Variants in SP140 observed in about 807,000 individuals in gnomAD.
SP140 encodes the protein nuclear body protein SP140.
In SP140, 81 loss-of-function variants were observed where a neutral mutation model predicts 125.0. That is an observed-to-expected ratio of 0.65 (90% CI 0.54 to 0.78). SP140 has a LOEUF of 0.78. Ranked by LOEUF, SP140 falls within the 30% of genes least tolerant of loss-of-function variation. SP140 has a pLI of 0.00. For missense variants in SP140, 858 were observed against 1,037.0 expected, an observed-to-expected ratio of 0.83 and a Z score of 2.37; for synonymous variants, 312 against 354.0, an observed-to-expected ratio of 0.88 and a Z score of 1.33.
rs534361912 is a variant in SP140 at position 230,284,915 on chromosome 2, G to A, written c.1564+504G>A. ...CAGTTCATTCATAAAAATATATGCA[G>A]TGGTTACATTTGGTCAGTGTAATAG... On this transcript the variant is annotated intron_variant, in intron 16 of 26. Coordinates refer to ENST00000392045, the MANE Select transcript of SP140 (RefSeq NM_007237.5). Among the ~76,000 whole-genome samples, 4 of 152,174 alleles carry A rather than the reference G, an allele frequency of 2.6e-5. No individual in the cohort carries two copies. In the East Asian group the frequency reaches 7.7e-4, roughly 29 times the overall value.
upstream of SP140, chr2:230,221,712 C>T (rs1225210392): frequency 1.3e-6 from 2 of 1,535,984 alleles, no homozygotes; most frequent in Non-Finnish European, 1.7e-6. Context: ...TACCTGAAGC[C>T]CCTCCCCATC....
At chr2:230,229,302 T>C in intron 1 of SP140, among the ~76,000 whole-genome samples, 1 of 151,980 alleles carries the variant, frequency 6.6e-6, no homozygotes, top group East Asian at 1.9e-4. Context: ...ATTCTATTAA[T>C]TTGAATAAAT....
At chr2:230,205,562 C>T (rs1236064670) in intron 1 of SP140, among the ~76,000 whole-genome samples, 3 of 151,958 alleles carry the variant, frequency 2.0e-5, no homozygotes, top group African/African-American at 7.3e-5. Flanking sequence ...TGAGCTTTCC[C>T]CTTTGTTTTT....
Position 230,269,945 on chromosome 2 carries a change from G to A in SP140, c.1436G>A (p.Gly479Asp), listed in dbSNP as rs1188832380. ...EARTESDQAC[G>D]TMDTVDIANN... ...AGGACGGAAAGTGATCAAGCGTGTG[G>A]CACAATGGGTAAGGCTGTCTGAGGG... Residue 479 changes from glycine to aspartate, a missense_variant, in exon 14 of 27, where the codon GGC becomes GAC. Coordinates refer to ENST00000392045, the MANE Select transcript of SP140 (RefSeq NM_007237.5). 6.2e-7 allele frequency: 1 copy of A among 1,612,166 alleles called. No homozygotes were observed.
chr2:230,215,075 A>G (rs1385918329), intron 3 of SP140: 1 of 1,613,852 alleles, frequency 6.2e-7, no homozygotes, highest in Non-Finnish European at 8.5e-7. Context: ...GTTGTGCACC[A>G]CTCTGGATAC....
At chr2:230,221,578 A>C, upstream of SP140, 1 of 965,894 alleles carries the variant, frequency 1.0e-6, no homozygotes. Flanking sequence ...GGAAAAATTC[A>C]ATGCTAACAG....
At chr2:230,259,788 A>G (rs1328459879) in intron 12 of SP140, among the ~76,000 whole-genome samples, 1 of 111,270 alleles carries the variant, frequency 9.0e-6, no homozygotes, top group African/African-American at 3.3e-5. Flanking sequence ...ATATATATAT[A>G]TATATATACC....
intron 12 of SP140, among the ~76,000 whole-genome samples, chr2:230,269,247 T>A (rs1358791049): frequency 2.6e-5 from 4 of 152,190 alleles, no homozygotes; most frequent in African/African-American, 4.8e-5. Context: ...TTTTCACTAT[T>A]GTCAAAGAAC....
chr2:230,312,891 G>T lies in SP140; in HGVS notation c.*207G>T. On this transcript the variant is annotated 3_prime_UTR_variant, in exon 27 of 27. Coordinates refer to ENST00000392045, the MANE Select transcript of SP140 (RefSeq NM_007237.5). ...AACCCCAAGTATCTCATCAGCCAGG[G>T]AAGAGTAAGTGGGATCACAGGGAAG... 4.4e-6 allele frequency: 2 copies of T among 456,986 alleles called. No homozygotes were observed. The highest frequency in any genetic ancestry group is 7.9e-6 in the Non-Finnish European group (2 of 253,468). 28.3% of individuals were successfully genotyped at this position (456,986 alleles called of 1,614,324 possible). A position where few individuals can be genotyped will look rare whatever the true frequency, so the allele number is the denominator to read the frequency against.
At chr2:230,312,460 C>A in intron 26 of SP140, 126 bp from the exon 27 acceptor site, 1 of 594,428 alleles carries the variant, frequency 1.7e-6, no homozygotes, top group African/African-American at 1.9e-5. Context: ...AAATATATGC[C>A]ATTATAAATT....
At chr2:230,214,771 T>C (rs2044917159) in intron 3 of SP140, among the ~76,000 whole-genome samples, 1 of 152,092 alleles carries the variant, frequency 6.6e-6, no homozygotes, top group Non-Finnish European at 1.5e-5. Flanking sequence ...TCTTAGAGAG[T>C]TGGGATCAGC....
At chr2:230,243,591 A>G (rs1002314131) in intron 4 of SP140, 140 bp from the exon 5 acceptor site, 8 of 635,664 alleles carry the variant, frequency 1.3e-5, no homozygotes, top group Admixed American at 2.4e-5. Context: ...GAAGGACTGA[A>G]TCCTCAGGTC....
At chr2:230,314,290 T>TGTAGA (rs1305267201), downstream of SP140, among the ~76,000 whole-genome samples, 1 of 152,150 alleles carries the variant, frequency 6.6e-6, no homozygotes, top group Non-Finnish European at 1.5e-5. Context: ...AGGAAGACTG[T>TGTAGA]GTAGAGACCG....
chr2:230,235,759 T>C (rs1469320399), intron 1 of SP140, among the ~76,000 whole-genome samples: 5 of 152,158 alleles, frequency 3.3e-5, no homozygotes, highest in African/African-American at 1.2e-4. Flanking sequence ...ACAGCCTTAA[T>C]GTCTGAAATC....
chr2:230,200,718 G>C (rs2043091644), upstream of SP140: 1 of 655,272 alleles, frequency 1.5e-6, no homozygotes, highest in African/African-American at 1.8e-5. Flanking sequence ...ATTTGTAGTA[G>C]TAAATATCAT....
In SP140 at chr2:230,208,091, A is replaced by G. The variant is rs971207413; in HGVS notation, c.-323+4812A>G. 22 of 1,217,958 alleles carry G rather than the reference A, an allele frequency of 1.8e-5. No individual in the cohort carries two copies. The Admixed American group carries it at 2.2e-4, about 12-fold the overall frequency. The allele number at this position is 1,217,958 out of a possible 1,614,324, so 75.4% of individuals were successfully genotyped here. A position where few individuals can be genotyped will look rare whatever the true frequency, so the allele number is the denominator to read the frequency against. ...AGAAAGGATAATGTTTTATAGTTACAAACATTGATCTCCCAATCTTGTATG... is the reference window on the plus strand; with the variant it reads ...AGAAAGGATAATGTTTTATAGTTACGAACATTGATCTCCCAATCTTGTATG... On this transcript the variant is annotated intron_variant, in intron 1 of 4. Transcript: ENST00000456542.
At chr2:230,221,695 T>C (rs536555452), upstream of SP140, 59 of 1,535,966 alleles carry the variant, frequency 3.8e-5, no homozygotes, top group African/African-American at 7.4e-4. Context: ...AAATGTCACA[T>C]GTCACTTACC....
rs569421054 is a variant in SP140 at position 230,271,384 on chromosome 2, CTG to C, written c.1498+748_1498+749del. ...TTAGTAGAAACATGGATGCTAAAGA[CTG>C]TGCTAGTGAGGACTGAGAAGGAAGT... On this transcript the variant is annotated intron_variant, in intron 15 of 26. Coordinates refer to ENST00000392045, the MANE Select transcript of SP140 (RefSeq NM_007237.5). 2.7e-3 allele frequency among the ~76,000 whole-genome samples: 405 copies of C among 152,234 alleles called. 2 individuals are homozygous for C. The highest frequency in any genetic ancestry group is 9.6e-3 in the African/African-American group (397 of 41,524).
At chr2:230,252,952 C>T (rs76833697) in intron 10 of SP140, among the ~76,000 whole-genome samples, 16,196 of 151,460 alleles carry the variant, frequency 0.11, 986 homozygotes, top group Non-Finnish European at 0.13. Flanking sequence ...GAAGGGAGAT[C>T]GTGGAAACAC....
Sources: gnomAD v4.1 joint callset for allele counts (sites outside exome capture counted in the v4.1 genomes callset) on GRCh38, gnomAD v4.1.1 for gene constraint, MANE v1.5 for transcripts, NCBI Gene and HGNC (gene_info 2026-07-23, HGNC 2026-07-21) for gene names.